The following PTPRT variants were observed in gnomAD, a reference collection of about 807,000 sequenced individuals.
The protein encoded by PTPRT is protein tyrosine phosphatase receptor type T.
In PTPRT, 56 loss-of-function variants were observed where a neutral mutation model predicts 176.8. The observed-to-expected ratio is 0.32, with a 90% confidence interval of 0.26 to 0.40. The LOEUF (loss-of-function observed/expected upper bound fraction) is 0.40. Ranked by LOEUF, PTPRT falls within the 10% of genes least tolerant of loss-of-function variation. The pLI is 1.00. For missense variants in PTPRT, 1,540 were observed against 1,908.2 expected (o/e 0.81, Z 3.60); for synonymous variants, 783 against 739.0 (o/e 1.06, Z -0.96).
chr20:42,989,891 C>T lies in PTPRT; in HGVS notation c.89-103959G>A, dbSNP rs544383874. Reference sequence around the variant, plus strand: ...AAACCTCCAGTCACAGAAGGTCACACCACAGTCACATCCCCTTGGGCTTCT... The same window carrying T: ...AAACCTCCAGTCACAGAAGGTCACATCACAGTCACATCCCCTTGGGCTTCT... On this transcript the variant is annotated intron_variant, in intron 1 of 30. Coordinates refer to ENST00000373187, the MANE Select transcript of PTPRT (RefSeq NM_007050.6). 4.6e-5 allele frequency among the ~76,000 whole-genome samples: 7 copies of T among 152,360 alleles called. No homozygotes were observed. The East Asian group carries it at 7.7e-4, about 17-fold the overall frequency.
At chr20:42,390,248 A>C (rs926707141) in intron 9 of PTPRT, among the ~76,000 whole-genome samples, 2 of 152,238 alleles carry the variant, frequency 1.3e-5, no homozygotes, top group Non-Finnish European at 2.9e-5. Flanking sequence ...ACGTAGTAAA[A>C]GAGAGAATGC....
chr20:42,749,972 A>G (rs2076747095), intron 6 of PTPRT, among the ~76,000 whole-genome samples: 1 of 152,222 alleles, frequency 6.6e-6, no homozygotes, highest in African/African-American at 2.4e-5. Context: ...TGTAGGCTCC[A>G]GGTAGCTATG....
intron 1 of PTPRT, among the ~76,000 whole-genome samples, chr20:42,973,057 G>A (rs565383098): frequency 6.6e-6 from 1 of 152,046 alleles, no homozygotes; most frequent in Admixed American, 6.5e-5. Flanking sequence ...GGAAAGATGA[G>A]AGTACAAGCA....
intron 9 of PTPRT, among the ~76,000 whole-genome samples, chr20:42,425,157 T>C (rs2059151652): frequency 1.3e-5 from 2 of 152,066 alleles, no homozygotes; most frequent in Admixed American, 6.6e-5. Context: ...TCTAGATGTC[T>C]GGGAAACATT....
chr20:42,617,148 AG>A (rs1225964169), intron 7 of PTPRT, among the ~76,000 whole-genome samples: 2 of 137,100 alleles, frequency 1.5e-5, no homozygotes, highest in Non-Finnish European at 3.0e-5. Flanking sequence ...TTTAGCATGA[AG>A]GGTTGTTGAA....
chr20:42,341,781 T>C (rs2058114752), intron 11 of PTPRT, among the ~76,000 whole-genome samples: 1 of 152,164 alleles, frequency 6.6e-6, no homozygotes, highest in Admixed American at 6.5e-5. Context: ...CTTTCCCTCA[T>C]GCCAGTAACA....
intron 1 of PTPRT, among the ~76,000 whole-genome samples, chr20:42,928,768 G>A (rs1210023548): frequency 2.6e-5 from 4 of 152,166 alleles, no homozygotes; most frequent in Non-Finnish European, 4.4e-5. Flanking sequence ...TTCTCCAGGT[G>A]AGAAACGTCC....
At chr20:42,440,921 T>C (rs1299580812) in intron 9 of PTPRT, among the ~76,000 whole-genome samples, 1 of 152,222 alleles carries the variant, frequency 6.6e-6, no homozygotes, top group African/African-American at 2.4e-5. Context: ...GACCTTCAGC[T>C]GATGGGATGA....
intron 1 of PTPRT, among the ~76,000 whole-genome samples, chr20:43,170,568 G>A (rs2014971532): frequency 6.6e-6 from 1 of 152,142 alleles, no homozygotes; most frequent in Non-Finnish European, 1.5e-5. Context: ...CACGACACAT[G>A]CGTGAGTTAA....
intron 16 of PTPRT, among the ~76,000 whole-genome samples, chr20:42,162,794 C>T (rs1225962938): frequency 6.6e-6 from 1 of 152,178 alleles, no homozygotes; most frequent in Non-Finnish European, 1.5e-5. Context: ...ATCCATGTGC[C>T]CTTCAGCTTA....
intron 1 of PTPRT, among the ~76,000 whole-genome samples, chr20:43,178,596 T>G (rs1012537435): frequency 1.3e-5 from 2 of 152,178 alleles, no homozygotes; most frequent in Non-Finnish European, 2.9e-5. Flanking sequence ...GAAGAAAGAC[T>G]GGACACTGAA....
At chr20:43,145,329 C>T (rs1051990309) in intron 1 of PTPRT, among the ~76,000 whole-genome samples, 3 of 152,140 alleles carry the variant, frequency 2.0e-5, no homozygotes, top group African/African-American at 7.2e-5. Flanking sequence ...CTTTCATCTA[C>T]TCCAAGCTTG....
intron 1 of PTPRT, among the ~76,000 whole-genome samples, chr20:42,910,750 C>A (rs1361177247): frequency 6.6e-6 from 1 of 152,142 alleles, no homozygotes; most frequent in Non-Finnish European, 1.5e-5. Flanking sequence ...ACAAAATCTT[C>A]TTTGAAATGA....
Position 42,199,289 on chromosome 20 carries a change from G to T in PTPRT, c.2442C>A (p.Ser814Arg). 6.2e-7 allele frequency: 1 copy of T among 1,614,162 alleles called. No homozygotes were observed. The highest frequency in any genetic ancestry group is 1.1e-5 in the South Asian group (1 of 91,054). Residue 814 changes from serine to arginine, a missense_variant, in exon 16 of 31, where the codon AGC becomes AGA. Transcript: ENST00000373187. ...TAGAAGAGAAGCCTTCATCATTGCGGCTGGCGCTGAGCTTGGTGGTGGGTT... is the reference window on the plus strand; with the variant it reads ...TAGAAGAGAAGCCTTCATCATTGCGTCTGGCGCTGAGCTTGGTGGTGGGTT... ...ADKPTTKLSA[S>R]RNDEGFSSSS...
At chr20:42,360,062 C>T (rs6102802) in intron 9 of PTPRT, among the ~76,000 whole-genome samples, 2,664 of 152,306 alleles carry the variant, frequency 0.017, 67 homozygotes, top group African/African-American at 0.06. Flanking sequence ...AAAACAAACT[C>T]GAAATCCAGC....
intron 9 of PTPRT, among the ~76,000 whole-genome samples, chr20:42,414,043 G>A (rs563884612): frequency 6.6e-6 from 1 of 152,218 alleles, no homozygotes; most frequent in African/African-American, 2.4e-5. Flanking sequence ...TGTTGGCCAG[G>A]CTGGTCTTAA....
chr20:42,706,666 T>C (rs569988574), intron 6 of PTPRT, among the ~76,000 whole-genome samples: 19 of 152,286 alleles, frequency 1.2e-4, no homozygotes, highest in African/African-American at 3.6e-4. Context: ...AGGGACTCCC[T>C]AGATAAAGAA....
rs548606945 is a variant in PTPRT, at chr20:42,848,163, TG to T, written c.214+37643del. On this transcript the variant is annotated intron_variant, in intron 2 of 30. Coordinates refer to ENST00000373187, the MANE Select transcript of PTPRT (RefSeq NM_007050.6). ...TAGGTCACTGCAAATGCCATTATTT[TG>T]TTCCTTTTTATGGCTGGGTAATATT... is the stretch of plus-strand genomic sequence containing the variant. Among the ~76,000 whole-genome samples, 781 of 152,340 alleles carry T rather than the reference TG, an allele frequency of 5.1e-3. 4 individuals carry two copies. The highest frequency in any genetic ancestry group is 7.5e-3 in the Non-Finnish European group (512 of 68,022).
intron 7 of PTPRT, among the ~76,000 whole-genome samples, chr20:42,502,276 A>G (rs2071763302): frequency 6.6e-6 from 1 of 151,992 alleles, no homozygotes; most frequent in Admixed American, 6.6e-5. Flanking sequence ...TGTCTATGAA[A>G]CATCTTCCTT....
Sources: allele counts gnomAD v4.1 joint callset (sites outside exome capture counted in the v4.1 genomes callset), GRCh38; gene constraint gnomAD v4.1.1; transcripts MANE v1.5; gene names NCBI Gene and HGNC (gene_info 2026-07-23, HGNC 2026-07-21).